Variants in ZNF479 observed in about 807,000 individuals in gnomAD.
ZNF479 encodes the protein KRAB zinc finger protein KR19.
A neutral mutation model predicts 14.7 loss-of-function variants in ZNF479; 15 were observed. The observed-to-expected ratio is 1.02, with a 90% confidence interval of 0.68 to 1.57. The LOEUF (loss-of-function observed/expected upper bound fraction) is 1.57. Ranked by LOEUF, ZNF479 falls within the 40% of genes most tolerant of loss-of-function variation. ZNF479 has a pLI of 0.00. For synonymous variants in ZNF479, 145 were observed against 211.5 expected (o/e 0.69, Z 2.73); for missense variants, 506 against 615.1 (o/e 0.82, Z 1.88).
chr7:57,131,991 T>C (rs1021717642), intron 1 of ZNF479, among the ~76,000 whole-genome samples: 1 of 152,170 alleles, frequency 6.6e-6, no homozygotes, highest in Non-Finnish European at 1.5e-5. Flanking sequence ...ATGACTTTCC[T>C]ATCCCTGTAC....
chr7:57,130,293 T>A (rs2115888282), intron 1 of ZNF479, among the ~76,000 whole-genome samples: 1 of 152,184 alleles, frequency 6.6e-6, no homozygotes, highest in South Asian at 2.1e-4. Flanking sequence ...GCCAACATAG[T>A]GAAAGCCAAT....
chr7:57,126,165 A>G, intron 2 of ZNF479, 52 bp from the exon 3 acceptor site: 1 of 1,515,274 alleles, frequency 6.6e-7, no homozygotes. Context: ...TTCTTTAATT[A>G]CCAAATTAGT....
chr7:57,120,747 T>G lies in ZNF479; in HGVS notation c.668A>C (p.Asn223Thr). Reference protein sequence around the residue: ...YKCKECGKSFNCSSNHTTHKI... With the variant: ...YKCKECGKSFTCSSNHTTHKI... The stretch of plus-strand genomic sequence containing the variant: ...ATGTGTAGTATGGTTTGAGGAGCAG[T>G]TAAAGGATTTGCCACATTCTTTGCA... Residue 223 changes from asparagine (N) to threonine (T), a missense_variant, in exon 4 of 4, where the codon AAC becomes ACC. Physicochemically the swap from Asn to Thr is moderately conservative, Grantham distance 65. Around this residue, in one of 3 missense-constraint regions of ZNF479, gnomAD observed 420 missense variants for 474.2 expected, o/e 0.89. Transcript: ENST00000319636. 6.2e-7 allele frequency: 1 copy of G among 1,612,868 alleles called. No individual in the cohort carries two copies. The highest frequency in any genetic ancestry group is 1.1e-5 in the South Asian group (1 of 90,964).
upstream of ZNF479, among the ~76,000 whole-genome samples, chr7:57,134,581 G>GT (rs2115903767): frequency 6.6e-6 from 1 of 151,190 alleles, no homozygotes; most frequent in East Asian, 2.0e-4. Flanking sequence ...TGCCTAGAGA[G>GT]TAGCTATTCT....
intron 1 of ZNF479, 134 bp downstream of exon 1, chr7:57,132,152 A>G (rs1343004258): frequency 6.5e-6 from 10 of 1,526,998 alleles, no homozygotes; most frequent in Non-Finnish European, 9.0e-6. Flanking sequence ...ACGAGAGCCG[A>G]GCTGGGCCAA....
chr7:57,124,588 AGAG>A (rs1416394449), intron 3 of ZNF479, among the ~76,000 whole-genome samples: 1 of 152,226 alleles, frequency 6.6e-6, no homozygotes, highest in South Asian at 2.1e-4. Flanking sequence ...TGTGCAACAA[AGAG>A]GAGAACAGAA....
At chr7:57,124,235 AT>A (rs1161788913) in intron 3 of ZNF479, among the ~76,000 whole-genome samples, 1 of 152,194 alleles carries the variant, frequency 6.6e-6, no homozygotes, top group East Asian at 1.9e-4. Flanking sequence ...AAAAGCTGCA[AT>A]AACAATAACT....
At position 57,119,654 on chromosome 7, in the gene ZNF479, GGGTT is replaced by G. The variant is rs1785812584; in HGVS notation, c.*182_*185del. On this transcript the variant is annotated 3_prime_UTR_variant, in exon 4 of 4. Transcript: ENST00000319636. ...TTCTCTTAGGTTTATTAAGGTTTGA[GGGTT>G]GGTTAAAGGCTTTGTTACATTTTTT... 1 of 619,342 alleles carries G rather than the reference GGGTT, an allele frequency of 1.6e-6. No individual in the cohort carries two copies. The highest frequency in any genetic ancestry group is 2.9e-6 in the Non-Finnish European group (1 of 350,376). The allele number at this position is 619,342 out of a possible 1,614,324, so 38.4% of individuals were successfully genotyped here.
Position 57,137,856 on chromosome 7 carries a change from G to A in ZNF479, c.-15+1752C>T, listed in dbSNP as rs534472934. Reference sequence around the variant, plus strand: ...TCTCCCTTTCTGCCTGGGCCAGTCCGCAGGGGTTACTGCGAGATATCTTTA... The same window carrying A: ...TCTCCCTTTCTGCCTGGGCCAGTCCACAGGGGTTACTGCGAGATATCTTTA... On this transcript the variant is annotated intron_variant, in intron 1 of 4. Coordinates refer to the ZNF479 transcript ENST00000331162. Among the ~76,000 whole-genome samples the A allele has an allele frequency of 2.4e-4, 37 of 152,266 alleles. 2 individuals are homozygous for A. The highest frequency in any genetic ancestry group is 8.4e-4 in the African/African-American group (35 of 41,562).
At chr7:57,121,475 ACAG>A (rs1380425650) in intron 3 of ZNF479, among the ~76,000 whole-genome samples, 59 of 152,318 alleles carry the variant, frequency 3.9e-4, no homozygotes, top group African/African-American at 1.4e-3. Flanking sequence ...GCCTTTAATA[ACAG>A]CTTTAAGTCT....
At chr7:57,130,472 T>TA (rs59582725) in intron 1 of ZNF479, among the ~76,000 whole-genome samples, 3,042 of 142,922 alleles carry the variant, frequency 0.021, 98 homozygotes, top group African/African-American at 0.071. Flanking sequence ...AACTCTGTCT[T>TA]AAAAAAAAAA....
rs1372682304 is a variant in ZNF479 at position 57,120,215 on chromosome 7, C to T, written c.1200G>A (p.Lys400=). ...FRRSSALTIH[K]RIHTGERPYK... is the part of the protein sequence containing the mutation. ...AGGGTCTCTCTCCAGTATGAATTCT[C>T]TTGTGGATAGTAAGTGCTGAGGAGC... The change falls in exon 4 of 4, where the codon AAG becomes AAA. Residue 400 remains lysine (K), a synonymous_variant. Coordinates refer to ENST00000319636, the MANE Select transcript of ZNF479 (RefSeq NM_001370129.2). 1.2e-6 allele frequency: 2 copies of T among 1,611,636 alleles called. No homozygotes were observed. Among genetic ancestry groups the T allele is most frequent in the African/African-American group, 2.7e-5 (2 of 74,700 alleles).
intron 1 of ZNF479, among the ~76,000 whole-genome samples, chr7:57,130,086 G>A (rs935481509): frequency 4.6e-5 from 7 of 152,172 alleles, no homozygotes; most frequent in South Asian, 4.1e-4. Flanking sequence ...AATTTCAAAA[G>A]TAAGAGCAAA....
rs759070173 is a variant in ZNF479 at position 57,132,280 on chromosome 7, A to C, written c.39+6T>G. ...CCTCTCTCACGATGACAGACCCAGC[A>C]CTCACCATTTCTCGGCTTCCAGGGG... On this transcript the variant is annotated splice_donor_region_variant and intron_variant, in intron 1 of 3. Transcript: ENST00000319636. 6.2e-7 allele frequency: 1 copy of C among 1,613,892 alleles called. No individual in the cohort carries two copies. Among genetic ancestry groups the C allele is most frequent in the Non-Finnish European group, 8.5e-7 (1 of 1,179,978 alleles).
chr7:57,136,610 T>C (rs1786664698), upstream of ZNF479, among the ~76,000 whole-genome samples: 1 of 152,212 alleles, frequency 6.6e-6, no homozygotes, highest in Admixed American at 6.5e-5. Flanking sequence ...TAAAAACCTT[T>C]GCAAGCTCAA....
Position 57,120,206 on chromosome 7 carries a change from A to G in ZNF479, c.1209T>C (p.His403=), listed in dbSNP as rs1785850607. The change falls in exon 4 of 4, where the codon CAT becomes CAC. Residue 403 remains histidine, a synonymous_variant. Coordinates refer to ENST00000319636, the MANE Select transcript of ZNF479 (RefSeq NM_001370129.2). ...SSALTIHKRI[H]TGERPYKCEE... Reference sequence around the variant, plus strand: ...CACATTTGTAGGGTCTCTCTCCAGTATGAATTCTCTTGTGGATAGTAAGTG... The same window carrying G: ...CACATTTGTAGGGTCTCTCTCCAGTGTGAATTCTCTTGTGGATAGTAAGTG... 1 of 1,611,608 alleles carries G rather than the reference A, an allele frequency of 6.2e-7. No homozygotes were observed. Among genetic ancestry groups the G allele is most frequent in the South Asian group, 1.1e-5 (1 of 90,918 alleles).
chr7:57,128,830 G>A (rs555752848), intron 1 of ZNF479, among the ~76,000 whole-genome samples: 3 of 152,264 alleles, frequency 2.0e-5, no homozygotes, highest in Admixed American at 1.3e-4. Flanking sequence ...TGGACACTGC[G>A]CTTGATCTGA....
intron 1 of ZNF479, among the ~76,000 whole-genome samples, chr7:57,127,252 A>G (rs1344518456): frequency 6.6e-6 from 1 of 151,718 alleles, no homozygotes; most frequent in Admixed American, 6.6e-5. Context: ...TGCACTCCTC[A>G]CCTCAGGTGA....
At chr7:57,136,213 A>G (rs60727417), upstream of ZNF479, among the ~76,000 whole-genome samples, 47,352 of 151,714 alleles carry the variant, frequency 0.31, 7,879 homozygotes, top group East Asian at 0.53. Flanking sequence ...GCGAAACCTC[A>G]TCTCTACAAA....
Sources: allele counts gnomAD v4.1 joint callset (sites outside exome capture counted in the v4.1 genomes callset), GRCh38; gene constraint gnomAD v4.1.1; regional missense constraint gnomAD v4.1.1; transcripts MANE v1.5; gene names NCBI Gene and HGNC (gene_info 2026-07-23, HGNC 2026-07-21).